The following DCTN4 variants were observed in gnomAD, a reference collection of about 807,000 sequenced individuals.
DCTN4 encodes the protein dynactin 4 (p62).
Under a neutral mutation model 62.7 loss-of-function variants are expected in DCTN4, and 23 were observed. The ratio of observed to expected loss-of-function variants is 0.37; its 90% CI spans 0.26 to 0.52. The LOEUF (loss-of-function observed/expected upper bound fraction) is 0.52. Ranked by LOEUF, DCTN4 falls within the 20% of genes least tolerant of loss-of-function variation. DCTN4 has a pLI of 0.92. For missense variants in DCTN4, 514 were observed against 580.4 expected (o/e 0.89, Z 1.18); for synonymous variants, 199 against 202.1 (o/e 0.98, Z 0.13).
At chr5:150,754,877 T>C (rs570657333) in intron 2 of DCTN4, among the ~76,000 whole-genome samples, 2 of 152,032 alleles carry the variant, frequency 1.3e-5, no homozygotes, top group African/African-American at 4.8e-5. Context: ...GTGGAAGGAC[T>C]GCTTGAGCCT....
intron 8 of DCTN4, among the ~76,000 whole-genome samples, chr5:150,727,703 G>A (rs527527650): frequency 6.7e-6 from 1 of 148,416 alleles, no homozygotes; most frequent in African/African-American, 2.5e-5. Context: ...GTGAACCCGG[G>A]AGGCGGAGCT....
intron 2 of DCTN4, among the ~76,000 whole-genome samples, chr5:150,756,188 C>G (rs533435291): frequency 2.6e-5 from 4 of 151,700 alleles, no homozygotes. Context: ...ACTACAGGCG[C>G]GTGCCACCAC....
At position 150,718,292 on chromosome 5, in the gene DCTN4, A is replaced by G; in HGVS notation, c.1055T>C (p.Ile352Thr). 3.7e-6 allele frequency: 6 copies of G among 1,613,588 alleles called. No individual in the cohort carries two copies. Among genetic ancestry groups the G allele is most frequent in the African/African-American group, 1.3e-5 (1 of 74,980 alleles). The part of the protein sequence containing the change: ...FECEEGDPDD[I>T]NSTAKVVVPP... ...TGCTCCTACCTTAGCAGTGCTGTTG[A>G]TATCATCAGGGTCCCCCTCCTCACA... The change falls in exon 11 of 13, where the codon ATC (isoleucine) becomes ACC (threonine). Residue 352 changes from isoleucine (I) to threonine (T), a missense_variant. Ile to Thr is a moderately conservative substitution (Grantham distance 89). Coordinates refer to ENST00000447998, the MANE Select transcript of DCTN4 (RefSeq NM_016221.4).
chr5:150,736,113 A>G (rs888252493), intron 4 of DCTN4, among the ~76,000 whole-genome samples: 1 of 152,132 alleles, frequency 6.6e-6, no homozygotes. Flanking sequence ...GTCTGGGATT[A>G]TATTAAGCTA....
chr5:150,749,729 T>C (rs899377360), intron 3 of DCTN4, among the ~76,000 whole-genome samples: 2 of 152,050 alleles, frequency 1.3e-5, no homozygotes, highest in African/African-American at 4.8e-5. Context: ...TATGACCTAA[T>C]AATTTCACTC....
At chr5:150,721,953 T>C (rs948262323) in intron 9 of DCTN4, among the ~76,000 whole-genome samples, 1 of 152,112 alleles carries the variant, frequency 6.6e-6, no homozygotes, top group Admixed American at 6.6e-5. Flanking sequence ...GACTCCCAAG[T>C]AGCTAGGACT....
rs181022362 is a variant in DCTN4, at chr5:150,710,521, T to G, written c.*628A>C. On this transcript the variant is annotated 3_prime_UTR_variant, in exon 13 of 13. Transcript: ENST00000447998. The stretch of plus-strand genomic sequence containing the variant: ...AACTAATACGTGTCCTGTATTCACT[T>G]AGAAAAAGAGGGCAAATGAGAGTGC... The G allele has an allele frequency of 2.0e-5, 3 of 152,938 alleles. No individual in the cohort carries two copies. The highest frequency in any genetic ancestry group is 7.2e-5 in the African/African-American group (3 of 41,446). 9.5% of individuals were successfully genotyped at this position (152,938 alleles called of 1,614,324 possible).
At chr5:150,716,048 G>A (rs192829164) in intron 11 of DCTN4, among the ~76,000 whole-genome samples, 1 of 152,234 alleles carries the variant, frequency 6.6e-6, no homozygotes, top group Admixed American at 6.5e-5. Flanking sequence ...AGGACTACAG[G>A]TGCCCACCAC....
intron 2 of DCTN4, 38 bp from the exon 3 acceptor site, chr5:150,753,695 A>G: frequency 1.3e-6 from 2 of 1,584,874 alleles, no homozygotes; most frequent in African/African-American, 1.3e-5. Flanking sequence ...TTCAACAAAT[A>G]TTTATCAAGG....
intron 8 of DCTN4, among the ~76,000 whole-genome samples, chr5:150,725,121 G>A (rs1760094296): frequency 7.4e-6 from 1 of 135,342 alleles, no homozygotes; most frequent in African/African-American, 2.9e-5. Context: ...TCACGCCGCT[G>A]CACTCCAGCA....
intron 3 of DCTN4, among the ~76,000 whole-genome samples, chr5:150,745,024 G>A (rs1760908916): frequency 6.6e-6 from 1 of 150,746 alleles, no homozygotes; most frequent in Non-Finnish European, 1.5e-5. Context: ...AGACCCATCA[G>A]TGTGCTGTAT....
chr5:150,745,959 A>C (rs2113120025), intron 3 of DCTN4, among the ~76,000 whole-genome samples: 1 of 151,938 alleles, frequency 6.6e-6, no homozygotes, highest in East Asian at 1.9e-4. Context: ...AACTGAAGGA[A>C]ATAGAGACAC....
At chr5:150,731,897 T>C in intron 5 of DCTN4, 3 of 1,551,642 alleles carry the variant, frequency 1.9e-6, no homozygotes, top group Non-Finnish European at 2.6e-6. Context: ...ACTACATGAA[T>C]AGTATGTTGC....
intron 3 of DCTN4, among the ~76,000 whole-genome samples, chr5:150,752,112 G>A (rs4958411): frequency 0.28 from 42,087 of 151,802 alleles, 7,054 homozygotes; most frequent in East Asian, 0.39. Context: ...AAAAAAATAC[G>A]GAGTTAGTGA....
At chr5:150,754,699 A>C (rs1464282526) in intron 2 of DCTN4, among the ~76,000 whole-genome samples, 2 of 152,184 alleles carry the variant, frequency 1.3e-5, no homozygotes, top group African/African-American at 4.8e-5. Flanking sequence ...TGGGCACAGC[A>C]GCTCACGCTT....
intron 1 of DCTN4, 181 bp downstream of exon 1, chr5:150,758,678 G>C: frequency 7.7e-7 from 1 of 1,294,000 alleles, no homozygotes; most frequent in Non-Finnish European, 1.0e-6. Flanking sequence ...TCCCACCCGA[G>C]GCTGCTCCTC....
intron 2 of DCTN4, 113 bp downstream of exon 2, chr5:150,756,304 G>A: frequency 1.6e-6 from 1 of 642,500 alleles, no homozygotes; most frequent in Non-Finnish European, 2.6e-6. Flanking sequence ...CTCCCAAAGT[G>A]CTGGGATTAC....
chr5:150,738,668 A>G (rs188160502), intron 4 of DCTN4, among the ~76,000 whole-genome samples: 11 of 152,346 alleles, frequency 7.2e-5, no homozygotes, highest in African/African-American at 2.2e-4. Flanking sequence ...TGAACAGGGA[A>G]AAGTTGAAAA....
In DCTN4 at chr5:150,745,650, T is replaced by C. The variant is rs866531742; in HGVS notation, c.386-3493A>G. On this transcript the variant is annotated intron_variant, in intron 3 of 12. Coordinates refer to ENST00000447998, the MANE Select transcript of DCTN4 (RefSeq NM_016221.4). ...GGATTAAGAAACTCACTCAAAACCG[T>C]TCAACTACATGGAAACTGAACAACC... 2.6e-4 allele frequency among the ~76,000 whole-genome samples: 40 copies of C among 151,958 alleles called. No individual in the cohort carries two copies. The East Asian group carries it at 4.1e-3, about 15-fold the overall frequency.
Sources: allele counts gnomAD v4.1 joint callset (sites outside exome capture counted in the v4.1 genomes callset), GRCh38; gene constraint gnomAD v4.1.1; transcripts MANE v1.5; gene names NCBI Gene and HGNC (gene_info 2026-07-23, HGNC 2026-07-21).